Variants in TBC1D32 observed in about 807,000 individuals in gnomAD.
The protein encoded by TBC1D32 is TBC1 domain family member 32, also known as protein broad-minded.
A neutral mutation model predicts 170.3 loss-of-function variants in TBC1D32; 151 were observed. The ratio of observed to expected loss-of-function variants is 0.89; its 90% CI spans 0.78 to 1.01. The LOEUF is 1.01. Ranked by LOEUF, TBC1D32 falls within the 50% of genes least tolerant of loss-of-function variation. TBC1D32 has a pLI of 0.00. For synonymous variants in TBC1D32, 498 were observed against 488.0 expected (o/e 1.02, Z -0.27); for missense variants, 1,464 against 1,457.1 (o/e 1.00, Z -0.08).
intron 26 of TBC1D32, among the ~76,000 whole-genome samples, chr6:121,120,355 C>T (rs1780131987): frequency 1.3e-5 from 2 of 151,934 alleles, no homozygotes; most frequent in Non-Finnish European, 2.9e-5. Flanking sequence ...ATCAGTTTTG[C>T]TGAATATTTA....
chr6:121,227,713 T>C (rs1227145584), intron 20 of TBC1D32, among the ~76,000 whole-genome samples: 5 of 152,096 alleles, frequency 3.3e-5, no homozygotes, highest in African/African-American at 1.2e-4. Context: ...CAATCGATAA[T>C]ATAGTATTTT....
chr6:121,208,109 A>G (rs1259173683), intron 21 of TBC1D32, among the ~76,000 whole-genome samples: 1 of 134,564 alleles, frequency 7.4e-6, no homozygotes, highest in East Asian at 2.0e-4. Flanking sequence ...CACACACACC[A>G]AAAAAAAAAA....
chr6:121,244,548 G>T (rs1797375713), intron 17 of TBC1D32, among the ~76,000 whole-genome samples: 1 of 152,110 alleles, frequency 6.6e-6, no homozygotes, highest in South Asian at 2.1e-4. Context: ...AACTGCCTCT[G>T]CTGTGCTGTG....
intron 15 of TBC1D32, among the ~76,000 whole-genome samples, chr6:121,257,087 TATG>T (rs1799135994): frequency 6.6e-6 from 1 of 152,338 alleles, no homozygotes; most frequent in Admixed American, 6.5e-5. Context: ...TATTTTTCCC[TATG>T]CCACTGATTT....
chr6:121,081,177 T>C (rs1396487852), intron 31 of TBC1D32, among the ~76,000 whole-genome samples: 1 of 152,186 alleles, frequency 6.6e-6, no homozygotes, highest in Non-Finnish European at 1.5e-5. Flanking sequence ...TAATTTTAAA[T>C]ATAGTATCAT....
At chr6:121,119,948 T>C (rs1780085711) in intron 26 of TBC1D32, among the ~76,000 whole-genome samples, 1 of 152,120 alleles carries the variant, frequency 6.6e-6, no homozygotes, top group Admixed American at 6.6e-5. Flanking sequence ...AATACATCTA[T>C]CCAGTATTTG....
At chr6:121,310,755 T>G in intron 4 of TBC1D32, 24 bp downstream of exon 4, 1 of 1,430,286 alleles carries the variant, frequency 7.0e-7, no homozygotes, top group East Asian at 2.5e-5. Context: ...CTGCATGAAC[T>G]TGACAGCTAT....
At chr6:121,309,163 C>T (rs1046876660) in intron 4 of TBC1D32, among the ~76,000 whole-genome samples, 46 of 152,018 alleles carry the variant, frequency 3.0e-4, no homozygotes, top group Non-Finnish European at 4.4e-5. Flanking sequence ...TGATAGGCAG[C>T]AAGGGAAATA....
intron 29 of TBC1D32, among the ~76,000 whole-genome samples, chr6:121,108,698 T>C (rs1374833604): frequency 6.6e-6 from 1 of 151,992 alleles, no homozygotes; most frequent in Non-Finnish European, 1.5e-5. Context: ...TTTTCTTCCA[T>C]TATAGATCTT....
intron 22 of TBC1D32, among the ~76,000 whole-genome samples, chr6:121,174,833 C>T (rs905983805): frequency 6.6e-5 from 10 of 151,950 alleles, no homozygotes; most frequent in Admixed American, 2.0e-4. Flanking sequence ...GAATTCGAGG[C>T]CAGCCTGGGC....
intron 22 of TBC1D32, among the ~76,000 whole-genome samples, chr6:121,188,815 G>C (rs1180714359): frequency 6.6e-6 from 1 of 152,058 alleles, no homozygotes; most frequent in African/African-American, 2.4e-5. Flanking sequence ...ACATCACACA[G>C]ACCATGAACT....
chr6:121,134,446 G>A (rs766890874), intron 24 of TBC1D32, among the ~76,000 whole-genome samples: 4 of 152,138 alleles, frequency 2.6e-5, no homozygotes, highest in South Asian at 2.1e-4. Flanking sequence ...AAACAGCACC[G>A]AGGCAGCAGA....
At chr6:121,281,115 T>C (rs1429029716) in intron 14 of TBC1D32, among the ~76,000 whole-genome samples, 1 of 151,862 alleles carries the variant, frequency 6.6e-6, no homozygotes, top group Non-Finnish European at 1.5e-5. Context: ...GAATTCTATA[T>C]AAGTGTTCTC....
At chr6:121,173,393 T>G (rs1161705849) in intron 22 of TBC1D32, among the ~76,000 whole-genome samples, 1 of 152,206 alleles carries the variant, frequency 6.6e-6, no homozygotes, top group Non-Finnish European at 1.5e-5. Flanking sequence ...AACTCCCTTT[T>G]ATATATACTT....
At chr6:121,306,990 T>C (rs1807416097) in intron 5 of TBC1D32, among the ~76,000 whole-genome samples, 1 of 152,204 alleles carries the variant, frequency 6.6e-6, no homozygotes, top group Non-Finnish European at 1.5e-5. Context: ...TAATTCATCA[T>C]TTTTCATTCA....
intron 22 of TBC1D32, among the ~76,000 whole-genome samples, chr6:121,179,420 C>G (rs1460105730): frequency 6.7e-6 from 1 of 150,326 alleles, no homozygotes; most frequent in African/African-American, 2.4e-5. Flanking sequence ...TGAAGCATTA[C>G]CATGGAAGAA....
chr6:121,284,024 G>A (rs1803423322), intron 12 of TBC1D32, 114 bp from the exon 13 acceptor site: 2 of 719,428 alleles, frequency 2.8e-6, no homozygotes, highest in South Asian at 1.8e-5. Context: ...AGACTACGAG[G>A]CAATCAGGAA....
rs561332760 is a variant in TBC1D32 at position 121,227,118 on chromosome 6, G to A, written c.2365-3766C>T. ...AAGAAAGGCTATGAATTTGTGCTGC[G>A]CCACATTCAAAGCTGTCCTGGGCTG... On this transcript the variant is annotated intron_variant, in intron 20 of 31. Transcript: ENST00000398212. 6.4e-4 allele frequency among the ~76,000 whole-genome samples: 98 copies of A among 152,284 alleles called. 1 individual carries two copies. The highest frequency in any genetic ancestry group is 6.5e-4 in the Admixed American group (10 of 15,288).
At chr6:121,106,222 C>A in intron 29 of TBC1D32, 59 bp from the exon 30 acceptor site, 2 of 1,062,174 alleles carry the variant, frequency 1.9e-6, no homozygotes, top group Non-Finnish European at 2.4e-6. Flanking sequence ...AAATATAGAT[C>A]ATTTAAAATA....
Sources: allele counts gnomAD v4.1 joint callset (sites outside exome capture counted in the v4.1 genomes callset), GRCh38; gene constraint gnomAD v4.1.1; transcripts MANE v1.5; gene names NCBI Gene and HGNC (gene_info 2026-07-23, HGNC 2026-07-21).